Variants in MACC1 observed in about 807,000 individuals in gnomAD.
MACC1 encodes the protein metastasis-associated in colon cancer protein 1.
Under a neutral mutation model 70.7 loss-of-function variants are expected in MACC1, and 79 were observed. The observed-to-expected ratio is 1.12, with a 90% confidence interval of 0.93 to 1.35. The LOEUF (loss-of-function observed/expected upper bound fraction) is 1.35, where lower values mean the gene tolerates loss of function less well. Ranked by LOEUF, MACC1 falls within the 40% of genes most tolerant of loss-of-function variation. MACC1 has a pLI of 0.00. For synonymous variants in MACC1, 361 were observed against 347.2 expected, an observed-to-expected ratio of 1.04 and a Z score of -0.44; for missense variants, 1,106 against 978.1, an observed-to-expected ratio of 1.13 and a Z score of -1.74.
chr7:20,141,406 A>G (rs1215725611), intron 6 of MACC1, among the ~76,000 whole-genome samples: 1 of 152,132 alleles, frequency 6.6e-6, no homozygotes, highest in African/African-American at 2.4e-5. Context: ...CCCTTGATCC[A>G]TCATCTATAC....
chr7:20,187,437 C>A (rs549636523), intron 1 of MACC1, among the ~76,000 whole-genome samples: 1 of 152,126 alleles, frequency 6.6e-6, no homozygotes, highest in Non-Finnish European at 1.5e-5. Context: ...GGACCAGCAA[C>A]CTATCAATCT....
rs1030073202 is a variant in MACC1, at chr7:20,135,854, T to C, written c.*5092A>G. ...AGTCACCAATTGTTCAAAAACAGTG[T>C]GTATTACATAATCAATTTCAAAAGA... On this transcript the variant is annotated 3_prime_UTR_variant, in exon 7 of 7. Transcript: ENST00000400331. 20 of 152,318 alleles carry C rather than the reference T, an allele frequency of 1.3e-4. No individual in the cohort carries two copies. Among genetic ancestry groups the C allele is most frequent in the African/African-American group, 4.3e-4 (18 of 41,578 alleles). The allele number at this position is 152,318 out of a possible 1,614,324, so 9.4% of individuals were successfully genotyped here.
At chr7:20,173,994 A>T (rs1782354194) in intron 1 of MACC1, among the ~76,000 whole-genome samples, 1 of 152,186 alleles carries the variant, frequency 6.6e-6, no homozygotes, top group African/African-American at 2.4e-5. Context: ...TATGGTTTCA[A>T]AGAAGTAGGT....
At chr7:20,183,710 C>CT (rs59702885) in intron 1 of MACC1, among the ~76,000 whole-genome samples, 17,239 of 140,442 alleles carry the variant, frequency 0.12, 1,283 homozygotes, top group Non-Finnish European at 0.15. Flanking sequence ...CTGATTCTAA[C>CT]TTTTTTTTTT....
rs117914893 is a variant in MACC1 at position 20,193,897 on chromosome 7, C to G, written c.-217-23119G>C. Among the ~76,000 whole-genome samples, 1,254 of 152,192 alleles carry G rather than the reference C, an allele frequency of 8.2e-3. 24 individuals are homozygous for G. The highest frequency in any genetic ancestry group is 0.038 in the Admixed American group (579 of 15,272). Reference sequence around the variant, plus strand: ...TCTGCCATCTTTATTCCCCCGCCCCCACACACACCTTTAAGAAGCCATGTT... The same window carrying G: ...TCTGCCATCTTTATTCCCCCGCCCCGACACACACCTTTAAGAAGCCATGTT... On this transcript the variant is annotated intron_variant, in intron 1 of 6. Coordinates refer to ENST00000400331, the MANE Select transcript of MACC1 (RefSeq NM_182762.4).
chr7:20,149,888 A>C (rs907364187), intron 6 of MACC1, among the ~76,000 whole-genome samples: 15 of 152,264 alleles, frequency 9.9e-5, no homozygotes. Context: ...TACAGTGGTT[A>C]GGACTTTATA....
chr7:20,161,288 T>C (rs968745006), intron 4 of MACC1, among the ~76,000 whole-genome samples: 1 of 152,080 alleles, frequency 6.6e-6, no homozygotes, highest in African/African-American at 2.4e-5. Context: ...AACATTACCT[T>C]AATTGAAATG....
rs926075757 is a variant in MACC1, at chr7:20,135,062, A to G, written c.*5884T>C. 2 of 152,216 alleles carry G rather than the reference A, an allele frequency of 1.3e-5. No homozygotes were observed. The highest frequency in any genetic ancestry group is 1.5e-5 in the Non-Finnish European group (1 of 68,034). The allele number at this position is 152,216 out of a possible 1,614,324, so 9.4% of individuals were successfully genotyped here. On this transcript the variant is annotated 3_prime_UTR_variant, in exon 7 of 7. Transcript: ENST00000400331. ...TGTATTGATCACATTGATTAAAAAC[A>G]TTTTTTTCAATGGGAAAAAATACAT...
chr7:20,208,832 T>A (rs1782952869), intron 1 of MACC1, among the ~76,000 whole-genome samples: 2 of 152,194 alleles, frequency 1.3e-5, no homozygotes, highest in Admixed American at 1.3e-4. Context: ...AAAAACGGTT[T>A]CGTGGGCAGG....
chr7:20,149,486 C>A (rs1781943202), intron 6 of MACC1, among the ~76,000 whole-genome samples: 2 of 152,308 alleles, frequency 1.3e-5, no homozygotes, highest in Non-Finnish European at 2.9e-5. Flanking sequence ...ATTCTCCTTA[C>A]TTCACAGACA....
intron 1 of MACC1, among the ~76,000 whole-genome samples, chr7:20,193,702 T>C (rs1383714051): frequency 6.6e-6 from 1 of 152,086 alleles, no homozygotes; most frequent in Non-Finnish European, 1.5e-5. Context: ...TGTCCCACTT[T>C]GTAAAATGTG....
At chr7:20,178,142 G>A (rs192340201) in intron 1 of MACC1, among the ~76,000 whole-genome samples, 1,588 of 151,936 alleles carry the variant, frequency 0.01, 15 homozygotes, top group South Asian at 0.027. Flanking sequence ...ATATTCATAA[G>A]AATGTATAAA....
intron 1 of MACC1, among the ~76,000 whole-genome samples, chr7:20,215,062 C>T (rs907543558): frequency 1.2e-4 from 18 of 149,848 alleles, no homozygotes; most frequent in Non-Finnish European, 2.5e-4. Flanking sequence ...TTCTGAATGA[C>T]TCATATACAT....
chr7:20,167,345 G>T (rs2128103901), intron 2 of MACC1, among the ~76,000 whole-genome samples: 1 of 151,942 alleles, frequency 6.6e-6, no homozygotes, highest in Non-Finnish European at 1.5e-5. Flanking sequence ...ACAGGTGCAT[G>T]CCACCACGCC....
rs1782110343 is a variant in MACC1, at chr7:20,159,562, A to G, written c.799T>C (p.Cys267Arg). The change falls in exon 5 of 7, where the codon TGC (cysteine) becomes CGC (arginine). Residue 267 changes from cysteine (C) to arginine (R), a missense_variant. By Grantham distance (180) the Cys-to-Arg change is radical. Coordinates refer to ENST00000400331, the MANE Select transcript of MACC1 (RefSeq NM_182762.4). ...PPHMLNHDLS[C>R]TVSPLLEIML... ...ATTTCCAACAACGGGCTCACAGTGC[A>G]CGAAAGATCATGGTTAAGCATGTGT... The G allele has an allele frequency of 1.2e-6, 2 of 1,614,140 alleles. No individual in the cohort carries two copies. Among genetic ancestry groups the G allele is most frequent in the Non-Finnish European group, 1.7e-6 (2 of 1,180,012 alleles).
At chr7:20,168,017 GA>G (rs1782246160) in intron 2 of MACC1, among the ~76,000 whole-genome samples, 1 of 152,196 alleles carries the variant, frequency 6.6e-6, no homozygotes, top group South Asian at 2.1e-4. Flanking sequence ...GAAGAAAGGA[GA>G]AAAGCATTAT....
At chr7:20,209,654 G>T (rs978784812) in intron 1 of MACC1, among the ~76,000 whole-genome samples, 3 of 152,208 alleles carry the variant, frequency 2.0e-5, no homozygotes, top group African/African-American at 7.2e-5. Flanking sequence ...GGACTTTTGG[G>T]TTAATGCTGG....
chr7:20,178,261 TCACACA>T (rs71020623), intron 1 of MACC1, among the ~76,000 whole-genome samples: 3,920 of 98,902 alleles, frequency 0.04, 55 homozygotes, highest in African/African-American at 0.083. Flanking sequence ...TAATCTTATT[TCACACA>T]CACACACACA....
intron 5 of MACC1, among the ~76,000 whole-genome samples, chr7:20,157,533 C>A (rs1462708076): frequency 6.6e-6 from 1 of 151,104 alleles, no homozygotes; most frequent in East Asian, 1.9e-4. Context: ...GCTGTAATTT[C>A]AGCACTTTGG....
Sources: allele counts gnomAD v4.1 joint callset (sites outside exome capture counted in the v4.1 genomes callset), GRCh38; gene constraint gnomAD v4.1.1; transcripts MANE v1.5; gene names NCBI Gene and HGNC (gene_info 2026-07-23, HGNC 2026-07-21).